PKIG: variants seen among roughly 807,000 people sequenced by gnomAD.
PKIG encodes the protein cAMP-dependent protein kinase inhibitor gamma.
PKIG carries 1 observed loss-of-function variant against 6.8 expected under a neutral mutation model. The observed-to-expected ratio is 0.15, with a 90% confidence interval of 0.05 to 0.69. The LOEUF is 0.69. Among genes scored for constraint, PKIG ranks in the 30% least tolerant of loss-of-function variants. PKIG has a pLI of 0.82. For missense variants in PKIG, 77 were observed against 104.0 expected, an observed-to-expected ratio of 0.74 and a Z score of 1.13; for synonymous variants, 39 against 43.0, an observed-to-expected ratio of 0.91 and a Z score of 0.36.
intron 1 of PKIG, among the ~76,000 whole-genome samples, chr20:44,547,829 A>G (rs1371938093): frequency 6.6e-6 from 1 of 152,006 alleles, no homozygotes; most frequent in Non-Finnish European, 1.5e-5. Flanking sequence ...CAATTCAGGA[A>G]TTTGAGACCA....
At chr20:44,615,173 G>A (rs569818228) in intron 3 of PKIG, among the ~76,000 whole-genome samples, 3 of 151,606 alleles carry the variant, frequency 2.0e-5, no homozygotes, top group African/African-American at 7.3e-5. Context: ...ACTGAGTGAA[G>A]CTAAGCTTGT....
intron 1 of PKIG, among the ~76,000 whole-genome samples, chr20:44,542,567 C>T (rs1265116213): frequency 6.6e-6 from 1 of 151,590 alleles, no homozygotes; most frequent in African/African-American, 2.4e-5. Context: ...AATATAGTGG[C>T]CATATTTTTT....
chr20:44,616,890 G>A (rs1223557142), intron 3 of PKIG, among the ~76,000 whole-genome samples: 3 of 152,182 alleles, frequency 2.0e-5, no homozygotes, highest in Admixed American at 1.3e-4. Context: ...ATAGGGTCCC[G>A]AGCTACCACC....
At chr20:44,610,500 T>TCTCACACACACACACACACACA (rs1555841182) in intron 2 of PKIG, among the ~76,000 whole-genome samples, 252 of 135,384 alleles carry the variant, frequency 1.9e-3, no homozygotes, top group African/African-American at 2.1e-3. Context: ...TCTCTCTCTC[T>TCTCACACACACACACACACACA]CACACACACA....
chr20:44,600,716 C>T (rs1224501380), intron 2 of PKIG, among the ~76,000 whole-genome samples: 2 of 151,600 alleles, frequency 1.3e-5, no homozygotes, highest in Admixed American at 6.6e-5. Flanking sequence ...GAAGAAATGA[C>T]AGGACTGGGT....
intron 1 of PKIG, among the ~76,000 whole-genome samples, chr20:44,589,269 T>G (rs2065015452): frequency 6.6e-6 from 1 of 152,078 alleles, no homozygotes; most frequent in African/African-American, 2.4e-5. Flanking sequence ...GCCAGGAGTT[T>G]GAGGCTACAT....
At chr20:44,593,513 A>T (rs2065051448) in intron 2 of PKIG, among the ~76,000 whole-genome samples, 1 of 152,148 alleles carries the variant, frequency 6.6e-6, no homozygotes, top group Non-Finnish European at 1.5e-5. Context: ...ACACAGAAAG[A>T]CAAATACTAC....
At chr20:44,617,674 T>C (rs991854182) in intron 3 of PKIG, among the ~76,000 whole-genome samples, 2 of 152,030 alleles carry the variant, frequency 1.3e-5, no homozygotes, top group African/African-American at 4.8e-5. Context: ...TGATGCACGG[T>C]TGGCCCCCAC....
intron 2 of PKIG, chr20:44,598,994 C>G (rs565137998): frequency 3.9e-5 from 6 of 152,268 alleles, no homozygotes; most frequent in Non-Finnish European, 5.9e-5. Context: ...AGAGAGTCAA[C>G]CCAACATCAC....
At chr20:44,563,265 CA>C (rs1208930573) in intron 1 of PKIG, among the ~76,000 whole-genome samples, 1 of 152,144 alleles carries the variant, frequency 6.6e-6, no homozygotes, top group Non-Finnish European at 1.5e-5. Context: ...AAAATTTCTA[CA>C]TTTTACTATG....
At chr20:44,574,006 ATC>A (rs1362252519) in intron 1 of PKIG, among the ~76,000 whole-genome samples, 1 of 152,192 alleles carries the variant, frequency 6.6e-6, no homozygotes, top group Non-Finnish European at 1.5e-5. Context: ...CTAGAAAGGC[ATC>A]TGTCTCCTGC....
At chr20:44,567,492 T>C (rs2064820057) in intron 1 of PKIG, among the ~76,000 whole-genome samples, 1 of 152,266 alleles carries the variant, frequency 6.6e-6, no homozygotes, top group South Asian at 2.1e-4. Flanking sequence ...TTCAGCTATC[T>C]ACTTTGCTCC....
At chr20:44,573,274 C>T (rs2064868904) in intron 1 of PKIG, among the ~76,000 whole-genome samples, 2 of 152,236 alleles carry the variant, frequency 1.3e-5, no homozygotes, top group African/African-American at 4.8e-5. Context: ...AAATGTCTCC[C>T]CCTCTCTCTC....
chr20:44,608,786 C>T (rs985622384), intron 2 of PKIG, among the ~76,000 whole-genome samples: 20 of 126,688 alleles, frequency 1.6e-4, no homozygotes, highest in African/African-American at 6.2e-4. Flanking sequence ...TGTGACACAG[C>T]GAGACCCTGT....
Position 44,614,425 on chromosome 20 carries a change from G to A in PKIG, c.-23-109G>A. 2 of 747,886 alleles carry A rather than the reference G, an allele frequency of 2.7e-6. No individual in the cohort carries two copies. The highest frequency in any genetic ancestry group is 4.4e-6 in the Non-Finnish European group (2 of 452,264). 46.3% of individuals were successfully genotyped at this position (747,886 alleles called of 1,614,324 possible). ...GCTTTTTGCTTTGTTTTCAATAAGA[G>A]GCAATAACTGTCATTTTGACAGAAG... On this transcript the variant is annotated intron_variant, in intron 2 of 3. Coordinates refer to ENST00000372886, the MANE Select transcript of PKIG (RefSeq NM_001281445.2). This position sits in a 1 kb window ranked among gnomAD's most constrained non-coding sequence, Gnocchi z 4.6.
chr20:44,559,836 G>T (rs75136129), intron 1 of PKIG, among the ~76,000 whole-genome samples: 5,521 of 152,130 alleles, frequency 0.036, 130 homozygotes, highest in African/African-American at 0.059. Context: ...TTATGTCTTT[G>T]TGCATTTTTG....
At chr20:44,591,978 G>A (rs920105616) in intron 2 of PKIG, among the ~76,000 whole-genome samples, 24 of 152,270 alleles carry the variant, frequency 1.6e-4, no homozygotes, top group Admixed American at 1.5e-3. Flanking sequence ...AAGAAGGACC[G>A]GTCTACAGAG....
intron 1 of PKIG, among the ~76,000 whole-genome samples, chr20:44,559,848 A>T (rs1474278388): frequency 6.6e-6 from 1 of 152,180 alleles, no homozygotes; most frequent in Non-Finnish European, 1.5e-5. Flanking sequence ...GCATTTTTGT[A>T]AGTATATCTG....
chr20:44,590,598 G>C (rs1261988734), intron 2 of PKIG, among the ~76,000 whole-genome samples: 1 of 152,200 alleles, frequency 6.6e-6, no homozygotes, highest in East Asian at 1.9e-4. Flanking sequence ...TGTCAAGTTG[G>C]AAGTACTGGG....
Sources: allele counts gnomAD v4.1 joint callset (sites outside exome capture counted in the v4.1 genomes callset), GRCh38; gene constraint gnomAD v4.1.1; non-coding constraint Gnocchi (gnomAD v3.1); transcripts MANE v1.5; gene names NCBI Gene and HGNC (gene_info 2026-07-23, HGNC 2026-07-21).